The following COL27A1 variants were observed in gnomAD, a reference collection of about 807,000 sequenced individuals.
The protein encoded by COL27A1 is collagen alpha-1(XXVII) chain.
Under a neutral mutation model 251.3 loss-of-function variants are expected in COL27A1, and 106 were observed. That is an observed-to-expected ratio of 0.42 (90% CI 0.36 to 0.50). COL27A1 has a LOEUF of 0.50. COL27A1 is among the 20% of genes least tolerant of loss of function. COL27A1 has a pLI of 0.00. For missense variants in COL27A1, 2,325 were observed against 2,522.8 expected, an observed-to-expected ratio of 0.92 and a Z score of 1.68; for synonymous variants, 1,000 against 986.3, an observed-to-expected ratio of 1.01 and a Z score of -0.26.
intron 49 of COL27A1, 146 bp from the exon 50 acceptor site, chr9:114,299,924 C>T: frequency 1.4e-6 from 1 of 704,254 alleles, no homozygotes; most frequent in Non-Finnish European, 2.5e-6. Context: ...GTGAGCTGTT[C>T]ACACTCACTT....
At chr9:114,239,062 A>C (rs1304172676) in intron 19 of COL27A1, among the ~76,000 whole-genome samples, 1 of 152,200 alleles carries the variant, frequency 6.6e-6, no homozygotes, top group Non-Finnish European at 1.5e-5. Flanking sequence ...TGTAGCCGAG[A>C]GATAGCTCTG....
intron 49 of COL27A1, 46 bp downstream of exon 49, chr9:114,292,256 C>T (rs1401869418): frequency 2.2e-6 from 3 of 1,370,710 alleles, no homozygotes; most frequent in Middle Eastern, 2.3e-4. Flanking sequence ...CTCACACATG[C>T]ACACACTCAC....
chr9:114,237,979 T>C (rs1832511334), intron 19 of COL27A1, among the ~76,000 whole-genome samples: 1 of 152,206 alleles, frequency 6.6e-6, no homozygotes, highest in African/African-American at 2.4e-5. Flanking sequence ...CGCAGCTTTG[T>C]GATTCATGAA....
Position 114,168,841 on chromosome 9 carries a change from ACCCGGGAATG to A in COL27A1, c.1290_1299del (p.Met432ProfsTer23). 6.2e-7 allele frequency: 1 copy of A among 1,613,802 alleles called. No individual in the cohort carries two copies. Among genetic ancestry groups the A allele is most frequent in the Non-Finnish European group, 8.5e-7 (1 of 1,179,948 alleles). On this transcript the variant is annotated frameshift_variant, in exon 3 of 61. Coordinates refer to ENST00000356083, the MANE Select transcript of COL27A1 (RefSeq NM_032888.4). LOFTEE classifies it high-confidence loss of function. Reference sequence around the variant, plus strand: ...CCCGCAGAGAAGCCCATCCAGAGGAACCCGGGAATGCCCAGGCCCCCACCGCCCAGCACCC... The same window carrying A: ...CCCGCAGAGAAGCCCATCCAGAGGAACCCAGGCCCCCACCGCCCAGCACCC...
At chr9:114,174,582 G>A (rs1023314553) in intron 3 of COL27A1, among the ~76,000 whole-genome samples, 2 of 152,140 alleles carry the variant, frequency 1.3e-5, no homozygotes, top group Non-Finnish European at 2.9e-5. Context: ...GGAAGGCCGG[G>A]GTATAATCTG....
chr9:114,239,991 C>T (rs1002881055), intron 19 of COL27A1, among the ~76,000 whole-genome samples: 1 of 152,168 alleles, frequency 6.6e-6, no homozygotes, highest in Admixed American at 6.5e-5. Flanking sequence ...TTAATGCTTT[C>T]CTGCACCGTC....
chr9:114,235,569 T>C, intron 16 of COL27A1, 30 bp from the exon 17 acceptor site: 2 of 1,603,202 alleles, frequency 1.2e-6, no homozygotes, highest in Non-Finnish European at 1.7e-6. Context: ...GTGGCCTCCA[T>C]TGTAACCTTC....
At chr9:114,206,220 A>T in intron 9 of COL27A1, 32 bp from the exon 10 acceptor site, 1 of 1,611,786 alleles carries the variant, frequency 6.2e-7, no homozygotes, top group South Asian at 1.1e-5. Flanking sequence ...GCGTCTCCAT[A>T]TGTCCTTGCC....
chr9:114,243,491 T>A lies in COL27A1; in HGVS notation c.2881-16T>A. 1 of 1,613,328 alleles carries A rather than the reference T, an allele frequency of 6.2e-7. No homozygotes were observed. The highest frequency in any genetic ancestry group is 8.5e-7 in the Non-Finnish European group (1 of 1,179,448). On this transcript the variant is annotated splice_polypyrimidine_tract_variant and intron_variant, in intron 22 of 60. Coordinates refer to ENST00000356083, the MANE Select transcript of COL27A1 (RefSeq NM_032888.4). ...CCCTGTCCAGCTTCTCCCACTTACCTGTCTCTCTGTTGCAGGGTCAGCCTG... is the reference window on the plus strand; with the variant it reads ...CCCTGTCCAGCTTCTCCCACTTACCAGTCTCTCTGTTGCAGGGTCAGCCTG...
chr9:114,199,143 A>C (rs1427908364), intron 7 of COL27A1, among the ~76,000 whole-genome samples: 1 of 151,710 alleles, frequency 6.6e-6, no homozygotes, highest in Non-Finnish European at 1.5e-5. Flanking sequence ...CTCTCATCTA[A>C]CCCTCCTGCT....
At chr9:114,275,920 C>A (rs1020864416) in intron 37 of COL27A1, 152 bp downstream of exon 37, 3 of 592,946 alleles carry the variant, frequency 5.1e-6, no homozygotes, top group African/African-American at 1.9e-5. Flanking sequence ...GCCAGAGAAC[C>A]AATCTGCTCA....
At chr9:114,294,706 A>G (rs1052318473) in intron 49 of COL27A1, among the ~76,000 whole-genome samples, 1 of 152,244 alleles carries the variant, frequency 6.6e-6, no homozygotes, top group Non-Finnish European at 1.5e-5. Context: ...AAGGACATCC[A>G]TGAAAAACCT....
intron 28 of COL27A1, among the ~76,000 whole-genome samples, chr9:114,260,267 C>G (rs1834224823): frequency 6.6e-6 from 1 of 152,208 alleles, no homozygotes. Flanking sequence ...TCAGTGTCTC[C>G]CGGGCTGGGA....
At chr9:114,216,839 C>T (rs920058134) in intron 12 of COL27A1, among the ~76,000 whole-genome samples, 1 of 152,100 alleles carries the variant, frequency 6.6e-6, no homozygotes, top group Non-Finnish European at 1.5e-5. Flanking sequence ...CAGTCCTCAG[C>T]ATCAATCATG....
At chr9:114,221,012 A>T (rs921682414) in intron 13 of COL27A1, among the ~76,000 whole-genome samples, 4 of 150,936 alleles carry the variant, frequency 2.7e-5, no homozygotes, top group Non-Finnish European at 5.9e-5. Flanking sequence ...AAAAAAAAAA[A>T]GAAGCCGTTG....
At chr9:114,264,275 G>T in intron 28 of COL27A1, 80 bp from the exon 29 acceptor site, 1 of 1,169,326 alleles carries the variant, frequency 8.6e-7, no homozygotes, top group Non-Finnish European at 1.2e-6. Context: ...CCCCAGGCTT[G>T]GAGCAGCCCC....
chr9:114,168,130 A>T lies in COL27A1; in HGVS notation c.575A>T (p.Asp192Val). ...LLPFHRDPAL[D>V]PGGSFLFGKM... is the part of the protein sequence containing the mutation. Reference sequence around the variant, plus strand: ...CCTTTCCACAGGGACCCTGCACTCGACCCTGGGGGCTCCTTCCTCTTTGGG... The same window carrying T: ...CCTTTCCACAGGGACCCTGCACTCGTCCCTGGGGGCTCCTTCCTCTTTGGG... Residue 192 changes from aspartate (D) to valine (V), a missense_variant, in exon 3 of 61, where the codon GAC becomes GTC. Transcript: ENST00000356083. 1 of 1,612,792 alleles carries T rather than the reference A, an allele frequency of 6.2e-7. No homozygotes were observed. The highest frequency in any genetic ancestry group is 8.5e-7 in the Non-Finnish European group (1 of 1,179,934).
At chr9:114,307,648 T>A (rs1829152559) in intron 58 of COL27A1, 21 bp from the exon 59 acceptor site, 1 of 1,544,994 alleles carries the variant, frequency 6.5e-7, no homozygotes, top group Admixed American at 1.7e-5. Flanking sequence ...ATACATCACC[T>A]CCATCCCACG....
chr9:114,210,930 G>A, intron 11 of COL27A1, 52 bp from the exon 12 acceptor site: 1 of 1,601,030 alleles, frequency 6.2e-7, no homozygotes, highest in Non-Finnish European at 8.6e-7. Context: ...GGCAAGCCTG[G>A]CTGTCCCTGC....
Sources: allele counts gnomAD v4.1 joint callset (sites outside exome capture counted in the v4.1 genomes callset), GRCh38; gene constraint gnomAD v4.1.1; transcripts MANE v1.5; gene names NCBI Gene and HGNC (gene_info 2026-07-23, HGNC 2026-07-21).